SEMA5B: variants seen among roughly 807,000 people sequenced by gnomAD.
The protein encoded by SEMA5B is semaphorin 5B, also known as semaphorin-5B.
Under a neutral mutation model 135.0 loss-of-function variants are expected in SEMA5B, and 66 were observed. That is an observed-to-expected ratio of 0.49 (90% confidence interval 0.40 to 0.60). The LOEUF (loss-of-function observed/expected upper bound fraction) is 0.60. Ranked by LOEUF, SEMA5B falls within the 20% of genes least tolerant of loss-of-function variation. SEMA5B has a pLI of 0.00. For missense variants in SEMA5B, 1,501 were observed against 1,566.3 expected, an observed-to-expected ratio of 0.96 and a Z score of 0.70; for synonymous variants, 690 against 639.5, an observed-to-expected ratio of 1.08 and a Z score of -1.19.
intron 1 of SEMA5B, among the ~76,000 whole-genome samples, chr3:122,971,506 AT>A (rs1221370978): frequency 1.3e-5 from 2 of 152,262 alleles, no homozygotes; most frequent in Non-Finnish European, 2.9e-5. Flanking sequence ...CAGGTAATTG[AT>A]CGGAAATGTT....
At chr3:122,979,800 A>C (rs1467298680) in intron 1 of SEMA5B, among the ~76,000 whole-genome samples, 3 of 152,214 alleles carry the variant, frequency 2.0e-5, no homozygotes, top group Non-Finnish European at 2.9e-5. Flanking sequence ...GTTTTGGCCA[A>C]ACCAGCATAC....
At chr3:123,028,302 G>C (rs1236917121), upstream of SEMA5B, 1 of 152,572 alleles carries the variant, frequency 6.6e-6, no homozygotes, top group Non-Finnish European at 1.5e-5. Flanking sequence ...AACCTGCAGC[G>C]GCAGAGAGGG....
chr3:123,011,987 G>A (rs911166249), intron 1 of SEMA5B, among the ~76,000 whole-genome samples: 3 of 152,134 alleles, frequency 2.0e-5, no homozygotes, highest in Admixed American at 1.3e-4. Flanking sequence ...TGCATTTCCC[G>A]GGCTCTGTCT....
At chr3:123,028,131 A>G (rs1186369628), upstream of SEMA5B, among the ~76,000 whole-genome samples, 2 of 152,082 alleles carry the variant, frequency 1.3e-5, no homozygotes, top group African/African-American at 2.4e-5. Flanking sequence ...CCCGAGGGCC[A>G]TCGGCGCGGC....
At chr3:122,983,381 A>G (rs1310439110) in intron 1 of SEMA5B, among the ~76,000 whole-genome samples, 1 of 151,886 alleles carries the variant, frequency 6.6e-6, no homozygotes, top group Admixed American at 6.6e-5. Context: ...TGCAGGTTCA[A>G]TGCATTATGG....
chr3:122,981,779 A>G (rs1425167393), intron 1 of SEMA5B, among the ~76,000 whole-genome samples: 1 of 152,188 alleles, frequency 6.6e-6, no homozygotes, highest in Non-Finnish European at 1.5e-5. Context: ...CTTGAGATAG[A>G]CAGAATCCTG....
At chr3:122,965,886 C>T (rs983197360) in intron 1 of SEMA5B, among the ~76,000 whole-genome samples, 5 of 152,212 alleles carry the variant, frequency 3.3e-5, no homozygotes, top group Non-Finnish European at 7.3e-5. Context: ...GCCATGGCTA[C>T]ATGAGATGGG....
At chr3:123,025,326 C>T (rs1942773438) in intron 1 of SEMA5B, among the ~76,000 whole-genome samples, 1 of 152,160 alleles carries the variant, frequency 6.6e-6, no homozygotes, top group Admixed American at 6.5e-5. Flanking sequence ...AGGCACCTTG[C>T]TGCCTGTACA....
chr3:122,930,178 G>T (rs1008822926), intron 5 of SEMA5B, among the ~76,000 whole-genome samples: 2 of 152,228 alleles, frequency 1.3e-5, no homozygotes, highest in African/African-American at 4.8e-5. Context: ...TGTGGGAGGG[G>T]AGGCAGGGGG....
intron 5 of SEMA5B, among the ~76,000 whole-genome samples, chr3:122,938,170 A>C (rs1317688235): frequency 1.3e-5 from 2 of 152,194 alleles, no homozygotes; most frequent in Non-Finnish European, 1.5e-5. Flanking sequence ...ACTGGGCCTG[A>C]TTCACTTTAG....
intron 12 of SEMA5B, 54 bp downstream of exon 12, chr3:122,921,861 C>CT: frequency 1.4e-6 from 2 of 1,462,802 alleles, no homozygotes; most frequent in Non-Finnish European, 1.8e-6. Context: ...AGCCCCGCCT[C>CT]TTAAGCGCCT....
At chr3:123,010,016 G>A (rs926443668) in intron 1 of SEMA5B, among the ~76,000 whole-genome samples, 10 of 152,164 alleles carry the variant, frequency 6.6e-5, no homozygotes, top group African/African-American at 1.4e-4. Flanking sequence ...TGATTCACCC[G>A]GGAGCCCTAA....
chr3:122,980,225 C>T (rs1029962017), intron 1 of SEMA5B, among the ~76,000 whole-genome samples: 5 of 152,168 alleles, frequency 3.3e-5, no homozygotes, highest in African/African-American at 9.7e-5. Flanking sequence ...CTTTGGGAGG[C>T]TGAGGCAGGC....
chr3:122,946,522 A>T (rs574208024), intron 3 of SEMA5B, among the ~76,000 whole-genome samples: 1 of 152,224 alleles, frequency 6.6e-6, no homozygotes, highest in African/African-American at 2.4e-5. Flanking sequence ...TCCTGAACAC[A>T]GCATCCCCAG....
In SEMA5B at chr3:122,913,948, C is replaced by T. The variant is rs1937923791; in HGVS notation, c.2042G>A (p.Gly681Asp). 1 of 1,612,186 alleles carries T rather than the reference C, an allele frequency of 6.2e-7. No individual in the cohort carries two copies. The highest frequency in any genetic ancestry group is 8.5e-7 in the Non-Finnish European group (1 of 1,179,870). Residue 681 changes from glycine (G) to aspartate (D), a missense_variant, in exon 15 of 23, where the codon GGC becomes GAC. By Grantham distance (94) the Gly-to-Asp change is moderately conservative. This residue lies in a region of SEMA5B where 927 missense variants were observed against 881.6 expected (regional missense o/e 1.05). Coordinates refer to ENST00000357599, the MANE Select transcript of SEMA5B (RefSeq NM_001031702.4). ...TCGCTGGCGGACCTGGAAGCCGATGCCACAGGACGTGCTGCACAGCGCCCA... is the reference window on the plus strand; with the variant it reads ...TCGCTGGCGGACCTGGAAGCCGATGTCACAGGACGTGCTGCACAGCGCCCA... Reference protein sequence around the residue: ...SSWALCSTSCGIGFQVRQRSC... With the variant: ...SSWALCSTSCDIGFQVRQRSC...
chr3:122,971,251 C>G (rs1018437930), intron 1 of SEMA5B, among the ~76,000 whole-genome samples: 1 of 152,240 alleles, frequency 6.6e-6, no homozygotes, highest in Non-Finnish European at 1.5e-5. Flanking sequence ...CTGTTTTGCT[C>G]AGTGCTATAT....
intron 9 of SEMA5B, among the ~76,000 whole-genome samples, chr3:122,925,769 A>T (rs1013861223): frequency 6.6e-6 from 1 of 151,056 alleles, no homozygotes; most frequent in Non-Finnish European, 1.5e-5. Context: ...AAAGCTGTCC[A>T]GGGCCACATG....
At chr3:123,004,711 C>T (rs1322126731) in intron 1 of SEMA5B, among the ~76,000 whole-genome samples, 1 of 152,178 alleles carries the variant, frequency 6.6e-6, no homozygotes, top group Non-Finnish European at 1.5e-5. Context: ...TACGGCTGGC[C>T]TCCCACCAGG....
chr3:122,931,715 T>TG (rs1432631826), intron 5 of SEMA5B, among the ~76,000 whole-genome samples: 3 of 152,222 alleles, frequency 2.0e-5, no homozygotes, highest in African/African-American at 7.2e-5. Flanking sequence ...TAGGTGTCAG[T>TG]GTTGCAATAA....
Sources: gnomAD v4.1 joint callset for allele counts (sites outside exome capture counted in the v4.1 genomes callset) on GRCh38, gnomAD v4.1.1 for gene constraint, gnomAD v4.1.1 regional missense constraint, MANE v1.5 for transcripts, NCBI Gene and HGNC (gene_info 2026-07-23, HGNC 2026-07-21) for gene names.